The following PLCB1 variants were observed in gnomAD, a reference collection of about 807,000 sequenced individuals.
PLCB1 encodes phospholipase C beta 1, also known as 1-phosphatidylinositol 4,5-bisphosphate phosphodiesterase beta-1.
PLCB1 carries 46 observed loss-of-function variants against 161.8 expected under a neutral mutation model. That is an observed-to-expected ratio of 0.28 (90% CI 0.22 to 0.36). PLCB1 has a LOEUF of 0.36. Ranked by LOEUF, PLCB1 falls within the 10% of genes least tolerant of loss-of-function variation. The probability of loss-of-function intolerance (pLI) is 1.00; values close to 1 mark genes in which losing one functional copy is unlikely to be tolerated. For missense variants in PLCB1, 1,016 were observed against 1,472.5 expected (o/e 0.69, Z 5.07); for synonymous variants, 517 against 503.7 (o/e 1.03, Z -0.35).
chr20:8,845,923 G>A (rs1986675050), intron 31 of PLCB1, among the ~76,000 whole-genome samples: 3 of 152,180 alleles, frequency 2.0e-5, no homozygotes. Flanking sequence ...TGTCCTGTAG[G>A]GAGGTGTTGA....
chr20:8,175,126 C>G (rs2051769303), intron 2 of PLCB1, among the ~76,000 whole-genome samples: 1 of 151,802 alleles, frequency 6.6e-6, no homozygotes, highest in Admixed American at 6.6e-5. Context: ...AACCTAATAA[C>G]AAACAAAAAC....
chr20:8,132,577 G>A lies in PLCB1; in HGVS notation c.-75G>A, dbSNP rs537635063. 5 of 943,396 alleles carry A rather than the reference G, an allele frequency of 5.3e-6. No individual in the cohort carries two copies. In the South Asian group the frequency reaches 8.5e-5, roughly 16 times the overall value. The allele number at this position is 943,396 out of a possible 1,614,324, so 58.4% of individuals were successfully genotyped here. A position where few individuals can be genotyped will look rare whatever the true frequency, so the allele number is the denominator to read the frequency against. ...GAGCAGAGAAAGGAGCCCGCGCCCC[G>A]CGCCCCGCGCCCCGCGCACGGTCCC... On this transcript the variant is annotated 5_prime_UTR_variant, in exon 1 of 32. Transcript: ENST00000338037. The surrounding 1 kb of genome is among the most constrained non-coding windows in gnomAD (Gnocchi z 5.2).
At chr20:8,503,392 A>G (rs756945264) in intron 3 of PLCB1, among the ~76,000 whole-genome samples, 2 of 152,010 alleles carry the variant, frequency 1.3e-5, no homozygotes, top group Non-Finnish European at 2.9e-5. Context: ...TTCCTTCTAC[A>G]CACTATTCAA....
intron 31 of PLCB1, among the ~76,000 whole-genome samples, chr20:8,879,492 T>G (rs934791907): frequency 4.0e-5 from 6 of 151,814 alleles, no homozygotes; most frequent in African/African-American, 1.5e-4. Flanking sequence ...GCAGTTAAGT[T>G]CATGTATAGT....
chr20:8,732,979 A>G (rs1980353261), intron 18 of PLCB1, among the ~76,000 whole-genome samples: 1 of 151,366 alleles, frequency 6.6e-6, no homozygotes, highest in Admixed American at 6.6e-5. Context: ...ATATTAAATG[A>G]AATCAATATA....
At chr20:8,450,692 G>A (rs970817471) in intron 3 of PLCB1, among the ~76,000 whole-genome samples, 13 of 152,148 alleles carry the variant, frequency 8.5e-5, no homozygotes, top group African/African-American at 2.4e-4. Context: ...TGTACTTAGC[G>A]AGGCATCTAT....
chr20:8,683,091 A>C (rs1232105307), intron 9 of PLCB1, among the ~76,000 whole-genome samples: 1 of 152,094 alleles, frequency 6.6e-6, no homozygotes. Context: ...ATATCCGCAT[A>C]GAATTTATTT....
rs765422016 is a variant in PLCB1 at position 8,173,720 on chromosome 20, A to G, written c.177+23349A>G. On this transcript the variant is annotated intron_variant, in intron 2 of 31. Coordinates refer to ENST00000338037, the MANE Select transcript of PLCB1 (RefSeq NM_015192.4). ...AAGAATTTTAAAGCAGCCACCATAA[A>G]AAATGTTTCAGCAGTCAAAAACAAA... Among the ~76,000 whole-genome samples, 137 of 152,338 alleles carry G rather than the reference A, an allele frequency of 9.0e-4. No homozygotes were observed. The Middle Eastern group carries it at 0.01, about 11-fold the overall frequency.
intron 14 of PLCB1, among the ~76,000 whole-genome samples, chr20:8,718,438 C>G (rs1210564225): frequency 6.6e-6 from 1 of 152,290 alleles, no homozygotes; most frequent in South Asian, 2.1e-4. Flanking sequence ...TTCCTGGAGG[C>G]GCTAAGGGAG....
intron 3 of PLCB1, among the ~76,000 whole-genome samples, chr20:8,563,946 A>G (rs762446647): frequency 6.6e-5 from 10 of 152,190 alleles, no homozygotes; most frequent in Non-Finnish European, 1.0e-4. Flanking sequence ...ATTCAATGCT[A>G]TCCCCATCAA....
chr20:8,469,580 A>G (rs1283174162), intron 3 of PLCB1, among the ~76,000 whole-genome samples: 2 of 152,166 alleles, frequency 1.3e-5, no homozygotes, highest in African/African-American at 2.4e-5. Context: ...AAAAAAAAGT[A>G]CATATGTGTA....
chr20:8,759,696 C>T (rs1981914624), intron 24 of PLCB1, among the ~76,000 whole-genome samples: 1 of 151,884 alleles, frequency 6.6e-6, no homozygotes, highest in Non-Finnish European at 1.5e-5. Flanking sequence ...GACGGGGTTT[C>T]GCCATGTTGG....
chr20:8,229,899 A>T (rs6086373), intron 2 of PLCB1, among the ~76,000 whole-genome samples: 5,069 of 99,596 alleles, frequency 0.051, 300 homozygotes, highest in African/African-American at 0.16. Context: ...TAAAATAAAA[A>T]AAATAATTTA....
At chr20:8,418,553 C>CTTG (rs139526797) in intron 3 of PLCB1, among the ~76,000 whole-genome samples, 4,132 of 151,968 alleles carry the variant, frequency 0.027, 181 homozygotes, top group African/African-American at 0.093. Context: ...AAAAGCTTTC[C>CTTG]TTCTTATTCT....
chr20:8,159,676 T>A (rs1168946684), intron 2 of PLCB1, among the ~76,000 whole-genome samples: 1 of 152,118 alleles, frequency 6.6e-6, no homozygotes, highest in African/African-American at 2.4e-5. Context: ...ACCTCTTGAA[T>A]GCTTTGCTGG....
chr20:8,717,063 C>T (rs1050130443), intron 13 of PLCB1, among the ~76,000 whole-genome samples: 3 of 152,182 alleles, frequency 2.0e-5, no homozygotes, highest in African/African-American at 7.2e-5. Flanking sequence ...ATTGATTTTC[C>T]CGTTAGATGT....
intron 25 of PLCB1, among the ~76,000 whole-genome samples, chr20:8,761,305 G>C (rs1600305081): frequency 6.6e-6 from 1 of 152,124 alleles, no homozygotes; most frequent in Non-Finnish European, 1.5e-5. Context: ...TGGGAGACAG[G>C]AACCAAAAAG....
intron 3 of PLCB1, among the ~76,000 whole-genome samples, chr20:8,540,375 G>A (rs976911927): frequency 6.6e-6 from 1 of 152,030 alleles, no homozygotes. Flanking sequence ...AGCTCACTAC[G>A]CAGCTTGCAA....
chr20:8,228,470 G>A (rs1415552899), intron 2 of PLCB1, among the ~76,000 whole-genome samples: 2 of 151,856 alleles, frequency 1.3e-5, no homozygotes, highest in South Asian at 2.1e-4. Flanking sequence ...CCCCACCCCC[G>A]CATTTGTCCT....
Sources: gnomAD v4.1 joint callset for allele counts (sites outside exome capture counted in the v4.1 genomes callset) on GRCh38, gnomAD v4.1.1 for gene constraint, Gnocchi (gnomAD v3.1) non-coding constraint, MANE v1.5 for transcripts, NCBI Gene and HGNC (gene_info 2026-07-23, HGNC 2026-07-21) for gene names.